NFKBIB: variants seen among roughly 807,000 people sequenced by gnomAD.
NFKBIB encodes the protein NF-kappa-B inhibitor beta.
In NFKBIB, 16 loss-of-function variants were observed where a neutral mutation model predicts 32.1. The ratio of observed to expected loss-of-function variants is 0.50; its 90% CI spans 0.34 to 0.76. The LOEUF (loss-of-function observed/expected upper bound fraction) is 0.76. Among genes scored for constraint, NFKBIB ranks in the 30% least tolerant of loss-of-function variants. NFKBIB has a pLI of 0.01. For synonymous variants in NFKBIB, 222 were observed against 219.5 expected, an observed-to-expected ratio of 1.01 and a Z score of -0.10; for missense variants, 437 against 514.9, an observed-to-expected ratio of 0.85 and a Z score of 1.46.
At position 38,900,176 on chromosome 19, in the gene NFKBIB, C is replaced by T; in HGVS notation, c.144C>T (p.Pro48=). ...AELGPGLSWA[P]LVFGYVTEDG... ...TGGGCCCGGGGCTGTCGTGGGCTCC[C>T]CTCGTCTTCGGCTACGTCACTGAGG... Residue 48 remains proline (P), a synonymous_variant, in exon 1 of 6, where the codon CCC becomes CCT. Coordinates refer to ENST00000313582, the MANE Select transcript of NFKBIB (RefSeq NM_002503.5). 1 of 1,604,052 alleles carries T rather than the reference C, an allele frequency of 6.2e-7. No individual in the cohort carries two copies. The highest frequency in any genetic ancestry group is 1.7e-5 in the Admixed American group (1 of 58,320).
At position 38,900,127 on chromosome 19, in the gene NFKBIB, G is replaced by C; in HGVS notation, c.95G>C (p.Gly32Ala). The change falls in exon 1 of 6, where the codon GGA (glycine) becomes GCA (alanine). Residue 32 changes from glycine to alanine, a missense_variant. By Grantham distance (60) the Gly-to-Ala change is moderately conservative. Coordinates refer to ENST00000313582, the MANE Select transcript of NFKBIB (RefSeq NM_002503.5). ...GSLGPDAAAP[G>A]GPGLGAELGP... Reference sequence around the variant, plus strand: ...CTGGGTCCGGACGCAGCGGCCCCCGGAGGACCTGGGTTGGGCGCGGAGTTG... The same window carrying C: ...CTGGGTCCGGACGCAGCGGCCCCCGCAGGACCTGGGTTGGGCGCGGAGTTG... 1 of 1,587,870 alleles carries C rather than the reference G, an allele frequency of 6.3e-7. No individual in the cohort carries two copies. Among genetic ancestry groups the C allele is most frequent in the South Asian group, 1.1e-5 (1 of 87,638 alleles).
intron 5 of NFKBIB, chr19:38,908,303 G>A: frequency 1.0e-6 from 1 of 973,876 alleles, no homozygotes. Flanking sequence ...CACTTTGGGA[G>A]GCCGAGGCAG....
rs1445032239 is a variant in NFKBIB at position 38,905,061 on chromosome 19, T to A, written c.226T>A (p.Phe76Ile). 1.9e-6 allele frequency: 3 copies of A among 1,614,020 alleles called. No individual in the cohort carries two copies. The highest frequency in any genetic ancestry group is 3.3e-5 in the Admixed American group (2 of 59,994). Reference sequence around the variant, plus strand: ...TCATCAGCATGAACCCTTCCTGGATTTTCTTCTAGGCTTCTCGGCCGGCAC... The same window carrying A: ...TCATCAGCATGAACCCTTCCTGGATATTCTTCTAGGCTTCTCGGCCGGCAC... ...VIHQHEPFLD[F>I]LLGFSAGTEY... Residue 76 changes from phenylalanine to isoleucine, a missense_variant, in exon 2 of 6, where the codon TTT becomes ATT. By Grantham distance (21) the Phe-to-Ile change is conservative (BLOSUM62 0). Coordinates refer to ENST00000313582, the MANE Select transcript of NFKBIB (RefSeq NM_002503.5). This position sits in a 1 kb window ranked among gnomAD's most constrained non-coding sequence, Gnocchi z 5.5.
At chr19:38,903,579 T>G (rs1376736898) in intron 1 of NFKBIB, among the ~76,000 whole-genome samples, 2 of 151,904 alleles carry the variant, frequency 1.3e-5, no homozygotes, top group African/African-American at 4.8e-5. Flanking sequence ...TGGGCCACCG[T>G]GCCCAGCATA....
At chr19:38,903,104 AAAAAC>A (rs892281624) in intron 1 of NFKBIB, among the ~76,000 whole-genome samples, 1 of 151,984 alleles carries the variant, frequency 6.6e-6, no homozygotes, top group Non-Finnish European at 1.5e-5. Flanking sequence ...AAAGAAAAAG[AAAAAC>A]AAAACCAAAA....
At chr19:38,906,614 C>T (rs575713334) in intron 3 of NFKBIB, among the ~76,000 whole-genome samples, 7 of 151,848 alleles carry the variant, frequency 4.6e-5, no homozygotes, top group African/African-American at 7.2e-5. Context: ...GGACTACAGG[C>T]GCCCGCCACC....
At chr19:38,907,164 C>A in intron 3 of NFKBIB, 57 bp from the exon 4 acceptor site, 1 of 1,494,058 alleles carries the variant, frequency 6.7e-7, no homozygotes, top group Non-Finnish European at 9.2e-7. Flanking sequence ...GATCAAAGCA[C>A]GGTGGGGTGG....
chr19:38,900,272 T>G lies in NFKBIB; in HGVS notation c.179+61T>G, dbSNP rs180743519. On this transcript the variant is annotated intron_variant, in intron 1 of 5. Transcript: ENST00000313582. ...GACCCGGCGTCACATTCCTCATTAA[T>G]CTCTGATCCCTGAGGCTTCCTAACC... 1.6e-3 allele frequency: 2,370 copies of G among 1,490,392 alleles called. 3 individuals are homozygous for G. Among genetic ancestry groups the G allele is most frequent in the Non-Finnish European group, 2.0e-3 (2,263 of 1,119,194 alleles). The allele number at this position is 1,490,392 out of a possible 1,614,324, so 92.3% of individuals were successfully genotyped here.
chr19:38,907,396 C>T lies in NFKBIB; in HGVS notation c.709-3C>T, dbSNP rs373070182. Reference sequence around the variant, plus strand: ...CTCTGACCTTTCTGTTGCACCCCCACAGGAGCCCACGTGCGGCCGGAGCCC... The same window carrying T: ...CTCTGACCTTTCTGTTGCACCCCCATAGGAGCCCACGTGCGGCCGGAGCCC... On this transcript the variant is annotated splice_region_variant and splice_polypyrimidine_tract_variant and intron_variant, in intron 4 of 5. Coordinates refer to ENST00000313582, the MANE Select transcript of NFKBIB (RefSeq NM_002503.5). 8.2e-6 allele frequency: 13 copies of T among 1,589,086 alleles called. No homozygotes were observed. The African/African-American group carries it at 1.3e-4, about 16-fold the overall frequency.
intron 1 of NFKBIB, among the ~76,000 whole-genome samples, chr19:38,901,477 G>A (rs1973960861): frequency 6.7e-6 from 1 of 149,544 alleles, no homozygotes; most frequent in Non-Finnish European, 1.5e-5. Context: ...AAATTTTTTT[G>A]TCCCCCTATG....
chr19:38,904,049 G>A (rs1325341733), intron 1 of NFKBIB, among the ~76,000 whole-genome samples: 2 of 151,916 alleles, frequency 1.3e-5, no homozygotes, highest in Non-Finnish European at 2.9e-5. Flanking sequence ...CAGCCTGGGC[G>A]ACAGGGCAAG....
rs1974179898 is a variant in NFKBIB, at chr19:38,907,603, G to A, written c.913G>A (p.Asp305Asn). 6.2e-7 allele frequency: 1 copy of A among 1,611,704 alleles called. No homozygotes were observed. Among genetic ancestry groups the A allele is most frequent in the South Asian group, 1.1e-5 (1 of 90,966 alleles). Reference sequence around the variant, plus strand: ...CGGAGCCCCTGAGCCCGAGGGCGAGGACGAGAAATCCGGCCCCTGCAGCAG... The same window carrying A: ...CGGAGCCCCTGAGCCCGAGGGCGAGAACGAGAAATCCGGCCCCTGCAGCAG... The part of the protein sequence containing the change: ...AHGAPEPEGE[D>N]EKSGPCSSSS... Residue 305 changes from aspartate (D) to asparagine (N), a missense_variant, in exon 5 of 6, where the codon GAC becomes AAC. Physicochemically the swap from Asp to Asn is conservative, Grantham distance 23 (BLOSUM62 1). Transcript: ENST00000313582.
At chr19:38,904,749 C>CTTGT (rs17883392) in intron 1 of NFKBIB, among the ~76,000 whole-genome samples, 2 of 151,178 alleles carry the variant, frequency 1.3e-5, no homozygotes, top group African/African-American at 2.4e-5. Context: ...TCGTCTGACT[C>CTTGT]TTGTTTGTTT....
At chr19:38,902,872 G>A (rs1018631317) in intron 1 of NFKBIB, among the ~76,000 whole-genome samples, 3 of 152,044 alleles carry the variant, frequency 2.0e-5, no homozygotes, top group Non-Finnish European at 2.9e-5. Context: ...TCAGGAGATC[G>A]AGACCATCCT....
intron 5 of NFKBIB, 160 bp downstream of exon 5, chr19:38,907,819 C>T (rs1016096702): frequency 1.4e-6 from 2 of 1,431,162 alleles, no homozygotes; most frequent in South Asian, 1.6e-5. Context: ...GAGACCTGGA[C>T]AGGGGTGGTG....
In NFKBIB at chr19:38,900,225, A is replaced by C. The variant is rs772147919; in HGVS notation, c.179+14A>C. On this transcript the variant is annotated intron_variant, in intron 1 of 5. Coordinates refer to ENST00000313582, the MANE Select transcript of NFKBIB (RefSeq NM_002503.5). ...GGATGGGGACACGTGAGTGAACCTTAGGCTGCCAAACGGAGCCCTAGGACC... is the reference window on the plus strand; with the variant it reads ...GGATGGGGACACGTGAGTGAACCTTCGGCTGCCAAACGGAGCCCTAGGACC... The C allele has an allele frequency of 1.3e-6, 2 of 1,584,284 alleles. No individual in the cohort carries two copies. The highest frequency in any genetic ancestry group is 2.7e-5 in the African/African-American group (2 of 73,716).
chr19:38,899,946 T>TTAA, upstream of NFKBIB: 1 of 1,363,864 alleles, frequency 7.3e-7, no homozygotes, highest in East Asian at 2.6e-5. Context: ...TGGTGGGGAA[T>TTAA]TTCCCGCAGG....
chr19:38,905,582 A>C lies in NFKBIB; in HGVS notation c.619+47A>C. 1 of 1,458,622 alleles carries C rather than the reference A, an allele frequency of 6.9e-7. No individual in the cohort carries two copies. The highest frequency in any genetic ancestry group is 9.3e-7 in the Non-Finnish European group (1 of 1,070,630). 90.4% of individuals were successfully genotyped at this position (1,458,622 alleles called of 1,614,324 possible). ...GGACTCAGCTCCTGGGCTAGGCGAG[A>C]GCACCTGGCCCTGGGCTCAGCTTCC... On this transcript the variant is annotated intron_variant, in intron 3 of 5. Transcript: ENST00000313582. This position sits in a 1 kb window ranked among gnomAD's most constrained non-coding sequence, Gnocchi z 5.5.
In NFKBIB at chr19:38,908,790, C is replaced by T. The variant is rs2144745555; in HGVS notation, c.1029C>T (p.Thr343=). ...SSRSQTRLPP[T]PASKPLPDDP... The stretch of plus-strand genomic sequence containing the variant: ...GCAGCCAAACCCGGCTGCCTCCCAC[C>T]CCAGCCTCAAAACCTCTTCCTGACG... Residue 343 remains threonine, a synonymous_variant, in exon 6 of 6, where the codon ACC becomes ACT. Transcript: ENST00000313582. 2 of 1,613,740 alleles carry T rather than the reference C, an allele frequency of 1.2e-6. No individual in the cohort carries two copies. The highest frequency in any genetic ancestry group is 2.2e-5 in the South Asian group (2 of 91,044).
Sources: allele counts gnomAD v4.1 joint callset (sites outside exome capture counted in the v4.1 genomes callset), GRCh38; gene constraint gnomAD v4.1.1; non-coding constraint Gnocchi (gnomAD v3.1); transcripts MANE v1.5; gene names NCBI Gene and HGNC (gene_info 2026-07-23, HGNC 2026-07-21).